Variants in DNAAF1 observed in about 807,000 individuals in gnomAD.
The protein encoded by DNAAF1 is dynein axonemal assembly factor 1, also known as dynein assembly factor 1, axonemal.
DNAAF1 carries 65 observed loss-of-function variants against 71.1 expected under a neutral mutation model. The ratio of observed to expected loss-of-function variants is 0.91; its 90% CI spans 0.75 to 1.12. DNAAF1 has a LOEUF of 1.12. Among genes scored for constraint, DNAAF1 ranks in the 50% most tolerant of loss-of-function variants. The probability of loss-of-function intolerance (pLI) is 0.00; values close to 1 mark genes in which losing one functional copy is unlikely to be tolerated. For missense variants in DNAAF1, 1,178 were observed against 899.8 expected (o/e 1.31, Z -3.96); for synonymous variants, 414 against 354.6 (o/e 1.17, Z -1.88).
intron 6 of DNAAF1, among the ~76,000 whole-genome samples, chr16:84,165,462 G>A (rs569456834): frequency 1.3e-5 from 2 of 152,150 alleles, no homozygotes; most frequent in South Asian, 4.2e-4. Context: ...TAGGATTACA[G>A]GCATGAGCCA....
intron 6 of DNAAF1, among the ~76,000 whole-genome samples, chr16:84,162,827 A>C (rs576648849): frequency 2.0e-4 from 31 of 152,072 alleles, no homozygotes; most frequent in Middle Eastern, 6.8e-3. Flanking sequence ...AAAAAAACAA[A>C]AAAAAAAGAA....
chr16:84,172,419 G>C (rs201660406), intron 9 of DNAAF1, 44 bp downstream of exon 9: 18 of 1,606,212 alleles, frequency 1.1e-5, no homozygotes, highest in Non-Finnish European at 1.4e-5. Context: ...CAGTTTTACT[G>C]TTAGTAAAAT....
At chr16:84,159,153 A>G (rs768972599) in intron 5 of DNAAF1, 20 of 996,518 alleles carry the variant, frequency 2.0e-5, no homozygotes, top group South Asian at 1.8e-4. Context: ...CCTAAGTGAC[A>G]GCGGGGAGAG....
intron 5 of DNAAF1, 72 bp downstream of exon 5, chr16:84,155,821 A>C: frequency 3.2e-6 from 5 of 1,568,292 alleles, no homozygotes; most frequent in Non-Finnish European, 4.3e-6. Flanking sequence ...TCAAATATCA[A>C]GTCCTTTTGT....
rs140098443 is a variant in DNAAF1 at position 84,159,062 on chromosome 16, A to G, written c.742-613A>G. 55 of 988,922 alleles carry G rather than the reference A, an allele frequency of 5.6e-5. 2 individuals are homozygous for G. In the East Asian group the frequency reaches 4.8e-3, roughly 87 times the overall value. The allele number at this position is 988,922 out of a possible 1,614,324, so 61.3% of individuals were successfully genotyped here. The stretch of plus-strand genomic sequence containing the variant: ...AGCATTAAACTTCTTTGAGTTTCTT[A>G]AGGCAGTAGAGGAAGAGACAGTATT... On this transcript the variant is annotated intron_variant, in intron 5 of 11. Coordinates refer to ENST00000378553, the MANE Select transcript of DNAAF1 (RefSeq NM_178452.6).
chr16:84,159,309 A>G, intron 5 of DNAAF1: 2 of 1,017,208 alleles, frequency 2.0e-6, no homozygotes, highest in Non-Finnish European at 2.4e-6. Flanking sequence ...TGGGAAGAAA[A>G]GAAAACAATC....
intron 6 of DNAAF1, among the ~76,000 whole-genome samples, chr16:84,161,086 C>T (rs765408387): frequency 1.3e-5 from 2 of 152,150 alleles, no homozygotes; most frequent in Non-Finnish European, 2.9e-5. Context: ...AGCTCTGCAG[C>T]CACGAGCTAC....
rs184640652 is a variant in DNAAF1 at position 84,155,099 on chromosome 16, G to A, written c.574+301G>A. On this transcript the variant is annotated intron_variant, in intron 4 of 11. Transcript: ENST00000378553. ...AATTTTTTGTATTTTTAGTAGAGACGGGGTTTCACCGTGTTAGCCAGGATG... is the reference window on the plus strand; with the variant it reads ...AATTTTTTGTATTTTTAGTAGAGACAGGGTTTCACCGTGTTAGCCAGGATG... 1.1e-3 allele frequency among the ~76,000 whole-genome samples: 172 copies of A among 152,194 alleles called. No homozygotes were observed. The East Asian group carries it at 0.022, about 19-fold the overall frequency.
intron 4 of DNAAF1, among the ~76,000 whole-genome samples, 171 bp downstream of exon 4, chr16:84,154,969 C>T (rs957046561): frequency 2.0e-5 from 3 of 149,358 alleles, no homozygotes; most frequent in Non-Finnish European, 3.0e-5. Flanking sequence ...AGTGCAGTGG[C>T]GCGATCTCAG....
At chr16:84,160,172 T>C (rs1334247420) in intron 6 of DNAAF1, among the ~76,000 whole-genome samples, 1 of 152,218 alleles carries the variant, frequency 6.6e-6, no homozygotes, top group East Asian at 1.9e-4. Context: ...AACATAACCA[T>C]GAAAGGAAAT....
At chr16:84,150,555 T>C (rs2087133818) in intron 3 of DNAAF1, among the ~76,000 whole-genome samples, 1 of 152,082 alleles carries the variant, frequency 6.6e-6, no homozygotes, top group Admixed American at 6.6e-5. Context: ...GCTATAGGAA[T>C]ACCAAGGAAA....
chr16:84,173,571 C>G, intron 9 of DNAAF1: 1 of 983,244 alleles, frequency 1.0e-6, no homozygotes, highest in Non-Finnish European at 1.2e-6. Flanking sequence ...TGGAGGCTTA[C>G]ACCTGTAATC....
chr16:84,165,350 C>T (rs1041759082), intron 6 of DNAAF1, among the ~76,000 whole-genome samples: 4 of 151,926 alleles, frequency 2.6e-5, no homozygotes, highest in Non-Finnish European at 5.9e-5. Context: ...TTTGAGTTGT[C>T]TTTTTACTTT....
At position 84,148,309 on chromosome 16, in the gene DNAAF1, C is replaced by A. The variant is rs567958578; in HGVS notation, c.125-698C>A. On this transcript the variant is annotated intron_variant, in intron 1 of 11. Transcript: ENST00000378553. ...TGCTTTTTTCACTCCATATACGTTTCTGAGAATTATCCCTATGGATAGATG... is the reference window on the plus strand; with the variant it reads ...TGCTTTTTTCACTCCATATACGTTTATGAGAATTATCCCTATGGATAGATG... Among the ~76,000 whole-genome samples the A allele has an allele frequency of 2.6e-5, 4 of 152,136 alleles. 1 individual carries two copies. The South Asian group carries it at 8.3e-4, about 32-fold the overall frequency.
At position 84,170,161 on chromosome 16, in the gene DNAAF1, G is replaced by A; in HGVS notation, c.1333G>A (p.Glu445Lys). 6.3e-7 allele frequency: 1 copy of A among 1,585,632 alleles called. No homozygotes were observed. The highest frequency in any genetic ancestry group is 8.6e-7 in the Non-Finnish European group (1 of 1,162,378). ...AGAGCCAGAGGGGACCCTCCCAGCT[G>A]AGGCCCCACCACCCCCGCCACCTGT... The part of the protein sequence containing the change: ...DGEPEGTLPA[E>K]APPPPPPVEV... Residue 445 changes from glutamate (E) to lysine (K), a missense_variant, in exon 8 of 12, where the codon GAG becomes AAG. Transcript: ENST00000378553.
intron 5 of DNAAF1, among the ~76,000 whole-genome samples, chr16:84,157,342 G>A (rs2087487717): frequency 6.6e-6 from 1 of 151,760 alleles, no homozygotes; most frequent in Non-Finnish European, 1.5e-5. Flanking sequence ...GGTCAACATG[G>A]CAAAACCCCA....
intron 3 of DNAAF1, 51 bp downstream of exon 3, chr16:84,150,393 T>A: frequency 7.1e-7 from 1 of 1,416,720 alleles, no homozygotes; most frequent in Non-Finnish European, 1.0e-6. Context: ...AGATTCTGTC[T>A]AGCGGTATAA....
rs767285048 is a variant in DNAAF1, at chr16:84,149,086, T to C, written c.204T>C (p.Asn68=). 3 of 1,613,968 alleles carry C rather than the reference T, an allele frequency of 1.9e-6. No homozygotes were observed. The highest frequency in any genetic ancestry group is 1.1e-5 in the South Asian group (1 of 91,078). Residue 68 remains asparagine (N), a synonymous_variant, in exon 2 of 12, where the codon AAT becomes AAC. Coordinates refer to ENST00000378553, the MANE Select transcript of DNAAF1 (RefSeq NM_178452.6). The part of the protein sequence containing the change: ...YHSQQKQSGD[N]GSGGHFAHPR... Reference sequence around the variant, plus strand: ...GCCAGCAGAAACAGAGTGGTGATAATGGGTCAGGTGGTCACTTCGCACACC... The same window carrying C: ...GCCAGCAGAAACAGAGTGGTGATAACGGGTCAGGTGGTCACTTCGCACACC...
intron 7 of DNAAF1, among the ~76,000 whole-genome samples, chr16:84,167,089 T>C (rs1268032140): frequency 1.3e-5 from 2 of 152,192 alleles, no homozygotes; most frequent in African/African-American, 4.8e-5. Flanking sequence ...TCTAACAGAA[T>C]GGCTATAAAA....
Sources: allele counts gnomAD v4.1 joint callset (sites outside exome capture counted in the v4.1 genomes callset), GRCh38; gene constraint gnomAD v4.1.1; transcripts MANE v1.5; gene names NCBI Gene and HGNC (gene_info 2026-07-23, HGNC 2026-07-21).